EMSY: variants seen among roughly 807,000 people sequenced by gnomAD.
EMSY encodes the protein EMSY transcriptional repressor, BRCA2 interacting, also known as BRCA2-interacting transcriptional repressor EMSY.
EMSY carries 26 observed loss-of-function variants against 134.6 expected under a neutral mutation model. The ratio of observed to expected loss-of-function variants is 0.19; its 90% CI spans 0.14 to 0.27. The LOEUF is 0.27. Ranked by LOEUF, EMSY falls within the 10% of genes least tolerant of loss-of-function variation. The pLI is 1.00. For synonymous variants in EMSY, 579 were observed against 577.8 expected, an observed-to-expected ratio of 1.00 and a Z score of -0.03; for missense variants, 1,305 against 1,611.4, an observed-to-expected ratio of 0.81 and a Z score of 3.26.
At chr11:76,537,997 C>A (rs1951288108) in intron 16 of EMSY, 47 bp downstream of exon 17, 3 of 1,446,798 alleles carry the variant, frequency 2.1e-6, no homozygotes, top group African/African-American at 1.4e-5. Context: ...GAACTACCTT[C>A]CTGGATTTCA....
exon 21 of EMSY, chr11:76,550,076 A>G: frequency 1.2e-6 from 2 of 1,613,964 alleles, no homozygotes; most frequent in African/African-American, 2.7e-5. Flanking sequence ...GCAATGGAGC[A>G]GGACATAGAC....
chr11:76,525,132 G>T (rs1205497839), intron 12 of EMSY, among the ~76,000 whole-genome samples: 1 of 152,166 alleles, frequency 6.6e-6, no homozygotes, highest in African/African-American at 2.4e-5. Flanking sequence ...CTGCTAGTTG[G>T]TTTTGTTTGG....
intron 2 of EMSY, among the ~76,000 whole-genome samples, chr11:76,449,717 G>A (rs1316884493): frequency 6.6e-6 from 1 of 152,094 alleles, no homozygotes; most frequent in African/African-American, 2.4e-5. Context: ...TCTCAGTCTG[G>A]CCACAAACTA....
At chr11:76,505,656 G>A (rs2135987463) in intron 9 of EMSY, among the ~76,000 whole-genome samples, 1 of 151,946 alleles carries the variant, frequency 6.6e-6, no homozygotes, top group South Asian at 2.1e-4. Context: ...AAGAGATCGA[G>A]ACCATCCTGG....
intron 8 of EMSY, among the ~76,000 whole-genome samples, chr11:76,494,116 C>T (rs1333894552): frequency 6.6e-6 from 1 of 152,272 alleles, no homozygotes; most frequent in Non-Finnish European, 1.5e-5. Context: ...CTGCCAGTGC[C>T]TGGAGCTGCC....
downstream of EMSY, chr11:76,552,798 C>T (rs1213370250): frequency 6.6e-6 from 1 of 152,142 alleles, no homozygotes; most frequent in African/African-American, 2.4e-5. Context: ...ATGAAACCAC[C>T]ACCACCATCG....
intron 4 of EMSY, among the ~76,000 whole-genome samples, chr11:76,456,603 T>G (rs890069731): frequency 2.0e-5 from 3 of 152,216 alleles, no homozygotes; most frequent in African/African-American, 7.2e-5. Context: ...TTCTTGTTTG[T>G]ACCATTCTTT....
At chr11:76,486,945 C>T (rs1187700558) in intron 8 of EMSY, among the ~76,000 whole-genome samples, 1 of 152,298 alleles carries the variant, frequency 6.6e-6, no homozygotes, top group African/African-American at 2.4e-5. Context: ...TCAGTTTATA[C>T]AATCAGAGAG....
chr11:76,478,926 C>G (rs956719661), intron 8 of EMSY, among the ~76,000 whole-genome samples: 3 of 151,714 alleles, frequency 2.0e-5, no homozygotes, highest in Non-Finnish European at 2.9e-5. Context: ...TTTAATTGAG[C>G]CTTCCATTTT....
At chr11:76,515,201 T>A (rs890711795) in intron 10 of EMSY, among the ~76,000 whole-genome samples, 7 of 135,584 alleles carry the variant, frequency 5.2e-5, no homozygotes, top group Non-Finnish European at 1.1e-4. Context: ...GTAAAAGCAT[T>A]TTTTTGGGGG....
chr11:76,486,474 G>A (rs1451113959), intron 8 of EMSY, among the ~76,000 whole-genome samples: 1 of 152,202 alleles, frequency 6.6e-6, no homozygotes, highest in Non-Finnish European at 1.5e-5. Context: ...TTCAAAAAGA[G>A]TTTAACATGA....
At position 76,507,436 on chromosome 11, in the gene EMSY, CTT is replaced by C. The variant is rs1325626197; in HGVS notation, c.1364-5947_1364-5946del. Among the ~76,000 whole-genome samples, 3 of 152,314 alleles carry C rather than the reference CTT, an allele frequency of 2.0e-5. No homozygotes were observed. In the East Asian group the frequency reaches 5.8e-4, roughly 29 times the overall value. Reference sequence around the variant, plus strand: ...AACTTCTTTGAAAATGGAAGTCAATCTTTTAAACGTGCCATTGCTTTATCAAC... The same window carrying C: ...AACTTCTTTGAAAATGGAAGTCAATCTTAAACGTGCCATTGCTTTATCAAC... On this transcript the variant is annotated intron_variant, in intron 9 of 20. Transcript: ENST00000334736.
In EMSY at chr11:76,458,051, TTAAAA is replaced by T. The variant is rs1202939530; in HGVS notation, c.246-127_246-123del. ...TATTCATAATTTTGATCTTGCTTGC[TTAAAA>T]TAAAGCCTCTCCTATTCACTCAGGG... is the stretch of plus-strand genomic sequence containing the variant. On this transcript the variant is annotated intron_variant, in intron 4 of 20. Transcript: ENST00000334736. 8.8e-6 allele frequency: 6 copies of T among 684,972 alleles called. No homozygotes were observed. In the South Asian group the frequency reaches 9.6e-5, roughly 11 times the overall value. 42.4% of individuals were successfully genotyped at this position (684,972 alleles called of 1,614,324 possible).
At chr11:76,465,648 T>A (rs1948322283) in intron 7 of EMSY, among the ~76,000 whole-genome samples, 1 of 152,120 alleles carries the variant, frequency 6.6e-6, no homozygotes, top group South Asian at 2.1e-4. Context: ...CATTGTATTC[T>A]CTTACCTAAT....
At chr11:76,513,592 T>G in intron 10 of EMSY, 57 bp downstream of exon 11, 7 of 1,573,776 alleles carry the variant, frequency 4.4e-6, no homozygotes, top group Non-Finnish European at 6.1e-6. Context: ...AAACAGTTTC[T>G]CTGTACCAGC....
intron 15 of EMSY, 55 bp from the exon 17 acceptor site, chr11:76,537,740 G>A (rs1029784206): frequency 1.4e-6 from 2 of 1,480,834 alleles, no homozygotes; most frequent in Non-Finnish European, 1.8e-6. Flanking sequence ...GACAACTCTG[G>A]TTTTGGTACT....
chr11:76,465,471 G>T (rs1323371288), intron 7 of EMSY, among the ~76,000 whole-genome samples: 2 of 151,638 alleles, frequency 1.3e-5, no homozygotes, highest in African/African-American at 4.8e-5. Flanking sequence ...TTACAGCCTT[G>T]CACGTAGTAA....
At chr11:76,490,538 A>G (rs1590877412) in intron 8 of EMSY, among the ~76,000 whole-genome samples, 1 of 152,282 alleles carries the variant, frequency 6.6e-6, no homozygotes, top group East Asian at 1.9e-4. Context: ...TATTTCATGT[A>G]TTGTGTTAGA....
chr11:76,523,996 G>A (rs988705966), intron 12 of EMSY, among the ~76,000 whole-genome samples: 1 of 152,070 alleles, frequency 6.6e-6, no homozygotes, highest in African/African-American at 2.4e-5. Context: ...GCTGCTATGA[G>A]CCATGATCAT....
Sources: allele counts gnomAD v4.1 joint callset (sites outside exome capture counted in the v4.1 genomes callset), GRCh38; gene constraint gnomAD v4.1.1; transcripts MANE v1.5; gene names NCBI Gene and HGNC (gene_info 2026-07-23, HGNC 2026-07-21).